Variants in GNAI2 observed in about 807,000 individuals in gnomAD.
GNAI2 encodes G protein subunit alpha i2.
A neutral mutation model predicts 36.8 loss-of-function variants in GNAI2; 4 were observed. The observed-to-expected ratio is 0.11, with a 90% CI of 0.05 to 0.25. The LOEUF (loss-of-function observed/expected upper bound fraction) is 0.25. Among genes scored for constraint, GNAI2 ranks in the 10% least tolerant of loss-of-function variants. The pLI, the probability that GNAI2 is intolerant of heterozygous loss-of-function variation, is 1.00. For missense variants in GNAI2, 230 were observed against 481.3 expected, an observed-to-expected ratio of 0.48 and a Z score of 4.89; for synonymous variants, 194 against 194.1, an observed-to-expected ratio of 1.00 and a Z score of 0.01.
rs112486347 is a variant in GNAI2, at chr3:50,241,716, G to A, written c.118+5263G>A. On this transcript the variant is annotated intron_variant, in intron 1 of 8. Coordinates refer to ENST00000313601, the MANE Select transcript of GNAI2 (RefSeq NM_002070.4). This position sits in a 1 kb window ranked among gnomAD's most constrained non-coding sequence, Gnocchi z 5.0. ...AAGTCAAACCAGTTGCGGGACACAG[G>A]CTTCCATGTCAGAAGCCCTGAGGCA... 6.6e-6 allele frequency among the ~76,000 whole-genome samples: 1 copy of A among 152,202 alleles called. No individual in the cohort carries two copies. Among genetic ancestry groups the A allele is most frequent in the African/African-American group, 2.4e-5 (1 of 41,444 alleles).
upstream of GNAI2, chr3:50,230,766 T>C: frequency 1.0e-6 from 1 of 978,536 alleles, no homozygotes; most frequent in Non-Finnish European, 1.2e-6. Context: ...TCCTTTATGG[T>C]CTAGTCCAAG....
Position 50,241,576 on chromosome 3 carries a change from C to T in GNAI2, c.118+5123C>T, listed in dbSNP as rs782232396. On this transcript the variant is annotated intron_variant, in intron 1 of 8. Coordinates refer to ENST00000313601, the MANE Select transcript of GNAI2 (RefSeq NM_002070.4). This position sits in a 1 kb window ranked among gnomAD's most constrained non-coding sequence, Gnocchi z 5.0. ...AGCTGAGAGACTAGGTGAATCAGGG[C>T]AGCTGGAGCTCAGCTGGGGGCATCC... Among the ~76,000 whole-genome samples the T allele has an allele frequency of 1.3e-5, 2 of 152,208 alleles. No homozygotes were observed. Among genetic ancestry groups the T allele is most frequent in the Non-Finnish European group, 2.9e-5 (2 of 68,028 alleles).
intron 1 of GNAI2, chr3:50,246,929 C>T: frequency 6.8e-7 from 1 of 1,466,844 alleles, no homozygotes; most frequent in South Asian, 1.4e-5. Flanking sequence ...TATGCTGAGT[C>T]CCAGCAGGGA....
Position 50,242,918 on chromosome 3 carries a change from G to A in GNAI2, c.118+6465G>A, listed in dbSNP as rs1357771970. ...AGCACCTACTGTGTGTGCCCCCGGCGGGAGGAGGAGGTAATGAAGTCTGCA... is the reference window on the plus strand; with the variant it reads ...AGCACCTACTGTGTGTGCCCCCGGCAGGAGGAGGAGGTAATGAAGTCTGCA... On this transcript the variant is annotated intron_variant, in intron 1 of 8. Coordinates refer to ENST00000313601, the MANE Select transcript of GNAI2 (RefSeq NM_002070.4). This position sits in a 1 kb window ranked among gnomAD's most constrained non-coding sequence, Gnocchi z 4.8. 6.6e-6 allele frequency among the ~76,000 whole-genome samples: 1 copy of A among 152,226 alleles called. No individual in the cohort carries two copies. Among genetic ancestry groups the A allele is most frequent in the Admixed American group, 6.5e-5 (1 of 15,284 alleles).
intron 1 of GNAI2, chr3:50,251,634 A>C (rs1553702467): frequency 3.8e-6 from 5 of 1,311,286 alleles, no homozygotes; most frequent in Non-Finnish European, 5.0e-6. Flanking sequence ...CTGGTTGCTA[A>C]GGCTCAGTGT....
rs1700592162 is a variant in GNAI2 at position 50,252,697 on chromosome 3, C to G, written c.303+159C>G. On this transcript the variant is annotated intron_variant, in intron 3 of 8. Transcript: ENST00000313601. This position sits in a 1 kb window ranked among gnomAD's most constrained non-coding sequence, Gnocchi z 4.1. ...TGGCCAACTTGGTGAAACCGCGTCTCTACTAAAAATACAAAAATTAGCCGA... is the reference window on the plus strand; with the variant it reads ...TGGCCAACTTGGTGAAACCGCGTCTGTACTAAAAATACAAAAATTAGCCGA... Among the ~76,000 whole-genome samples, 1 of 152,134 alleles carries G rather than the reference C, an allele frequency of 6.6e-6. No homozygotes were observed. The highest frequency in any genetic ancestry group is 1.5e-5 in the Non-Finnish European group (1 of 68,034).
chr3:50,247,962 C>T (rs868943716), intron 1 of GNAI2, among the ~76,000 whole-genome samples: 7 of 152,234 alleles, frequency 4.6e-5, no homozygotes, highest in Admixed American at 1.3e-4. Flanking sequence ...AGGCTGGACG[C>T]GGTGGCTCAC....
chr3:50,256,075 C>CA, intron 4 of GNAI2, 117 bp from the exon 5 acceptor site: 3 of 222,650 alleles, frequency 1.3e-5, no homozygotes, highest in Non-Finnish European at 2.5e-5. Context: ...AAAAAAAAAG[C>CA]AAGGGCTGTG....
rs1439357079 is a variant in GNAI2 at position 50,253,843 on chromosome 3, G to A, written c.464+659G>A. 6.6e-6 allele frequency among the ~76,000 whole-genome samples: 1 copy of A among 152,222 alleles called. No individual in the cohort carries two copies. The highest frequency in any genetic ancestry group is 1.5e-5 in the Non-Finnish European group (1 of 68,046). ...TTTAGGGTGTTAGTGAAAAGGTAGA[G>A]GTGGAGTTGGCCCAGAGACAGGATT... On this transcript the variant is annotated intron_variant, in intron 4 of 8. Transcript: ENST00000313601. The surrounding 1 kb of genome is among the most constrained non-coding windows in gnomAD (Gnocchi z 4.2).
chr3:50,231,002 T>G, intron 1 of GNAI2: 1 of 977,162 alleles, frequency 1.0e-6, no homozygotes, highest in Non-Finnish European at 1.2e-6. Flanking sequence ...GCAAGGGGTT[T>G]GTTTCTTCAG....
At position 50,238,696 on chromosome 3, in the gene GNAI2, GAT is replaced by G. The variant is rs1700238713; in HGVS notation, c.118+2246_118+2247del. The stretch of plus-strand genomic sequence containing the variant: ...AAAGGGCTCTGACCAAGCTCTGCTT[GAT>G]ATTGATGACCCAGTCTGCCATGGCT... On this transcript the variant is annotated intron_variant, in intron 1 of 8. Coordinates refer to ENST00000313601, the MANE Select transcript of GNAI2 (RefSeq NM_002070.4). This position sits in a 1 kb window ranked among gnomAD's most constrained non-coding sequence, Gnocchi z 5.0. Among the ~76,000 whole-genome samples, 1 of 152,202 alleles carries G rather than the reference GAT, an allele frequency of 6.6e-6. No individual in the cohort carries two copies. Among genetic ancestry groups the G allele is most frequent in the African/African-American group, 2.4e-5 (1 of 41,442 alleles).
In GNAI2 at chr3:50,252,496, C is replaced by T; in HGVS notation, c.261C>T (p.Ala87=). 6.2e-7 allele frequency: 1 copy of T among 1,613,654 alleles called. No homozygotes were observed. The highest frequency in any genetic ancestry group is 8.5e-7 in the Non-Finnish European group (1 of 1,179,802). The part of the protein sequence containing the change: ...TIQSIMAIVK[A]MGNLQIDFAD... ...AGTCCATCATGGCCATTGTCAAAGCCATGGGCAACCTGCAGATCGACTTTG... is the reference window on the plus strand; with the variant it reads ...AGTCCATCATGGCCATTGTCAAAGCTATGGGCAACCTGCAGATCGACTTTG... Residue 87 remains alanine (A), a synonymous_variant, in exon 3 of 9, where the codon GCC becomes GCT. Transcript: ENST00000313601. This position sits in a 1 kb window ranked among gnomAD's most constrained non-coding sequence, Gnocchi z 4.1.
chr3:50,249,387 C>T (rs1167864946), intron 1 of GNAI2, among the ~76,000 whole-genome samples: 2 of 152,206 alleles, frequency 1.3e-5, no homozygotes, highest in Non-Finnish European at 2.9e-5. Context: ...CGCTGTGAGG[C>T]TTTCCTGGGA....
Position 50,255,649 on chromosome 3 carries a change from A to C in GNAI2, c.465-543A>C, listed in dbSNP as rs1407870125. Among the ~76,000 whole-genome samples, 2 of 152,142 alleles carry C rather than the reference A, an allele frequency of 1.3e-5. No individual in the cohort carries two copies. Among genetic ancestry groups the C allele is most frequent in the African/African-American group, 2.4e-5 (1 of 41,438 alleles). On this transcript the variant is annotated intron_variant, in intron 4 of 8. Transcript: ENST00000313601. This position sits in a 1 kb window ranked among gnomAD's most constrained non-coding sequence, Gnocchi z 4.0. ...AGCTTGGCTGGCTAGCTGTCCACAG[A>C]GCTGCACCTCCTCCCATTCCCATTC... is the stretch of plus-strand genomic sequence containing the variant.
chr3:50,237,359 G>T (rs1227826110), intron 1 of GNAI2, among the ~76,000 whole-genome samples: 3 of 152,214 alleles, frequency 2.0e-5, no homozygotes, highest in African/African-American at 7.2e-5. Flanking sequence ...AGGAGAGAGA[G>T]TGGAGGAGTT....
chr3:50,230,683 G>A, upstream of GNAI2: 3 of 381,040 alleles, frequency 7.9e-6, no homozygotes, highest in Non-Finnish European at 1.1e-5. Flanking sequence ...TGGCAGTAGG[G>A]GTGAACCAGC....
upstream of GNAI2, among the ~76,000 whole-genome samples, chr3:50,228,208 C>T (rs1057111690): frequency 9.9e-5 from 15 of 152,196 alleles, no homozygotes; most frequent in Non-Finnish European, 2.1e-4. Context: ...CTCTCTTATC[C>T]TCAGGTTCTA....
intron 1 of GNAI2, chr3:50,246,950 C>T: frequency 6.7e-7 from 1 of 1,499,992 alleles, no homozygotes; most frequent in Non-Finnish European, 8.9e-7. Context: ...ACCACCACAG[C>T]TCTGAATCAG....
In GNAI2 at chr3:50,236,217, T is replaced by C; in HGVS notation, c.-119T>C. On this transcript the variant is annotated 5_prime_UTR_variant, in exon 1 of 9. Transcript: ENST00000313601. This position sits in a 1 kb window ranked among gnomAD's most constrained non-coding sequence, Gnocchi z 4.0. ...GGCGCCTCCCGCAGTCGCTCGGAACTGCCGACCCGAGTGCTTCCCGCAGAG... is the reference window on the plus strand; with the variant it reads ...GGCGCCTCCCGCAGTCGCTCGGAACCGCCGACCCGAGTGCTTCCCGCAGAG... 1.7e-6 allele frequency: 2 copies of C among 1,186,570 alleles called. No homozygotes were observed. The highest frequency in any genetic ancestry group is 1.0e-6 in the Non-Finnish European group (1 of 959,742). The allele number at this position is 1,186,570 out of a possible 1,614,324, so 73.5% of individuals were successfully genotyped here.
Sources: gnomAD v4.1 joint callset for allele counts (sites outside exome capture counted in the v4.1 genomes callset) on GRCh38, gnomAD v4.1.1 for gene constraint, Gnocchi (gnomAD v3.1) non-coding constraint, MANE v1.5 for transcripts, NCBI Gene and HGNC (gene_info 2026-07-23, HGNC 2026-07-21) for gene names.